The following ADGRG6 variants were observed in gnomAD, a reference collection of about 807,000 sequenced individuals.
The protein encoded by ADGRG6 is G-protein coupled receptor 126.
ADGRG6 carries 84 observed loss-of-function variants against 142.4 expected under a neutral mutation model. The observed-to-expected ratio is 0.59, with a 90% CI of 0.49 to 0.71. The LOEUF is 0.71. ADGRG6 is among the 30% of genes least tolerant of loss of function. The pLI, the probability that ADGRG6 is intolerant of heterozygous loss-of-function variation, is 0.00. For missense variants in ADGRG6, 1,367 were observed against 1,466.6 expected, an observed-to-expected ratio of 0.93 and a Z score of 1.11; for synonymous variants, 521 against 520.5, an observed-to-expected ratio of 1.00 and a Z score of -0.01.
At chr6:142,348,797 G>A (rs571576635) in intron 2 of ADGRG6, among the ~76,000 whole-genome samples, 1 of 152,270 alleles carries the variant, frequency 6.6e-6, no homozygotes, top group South Asian at 2.1e-4. Context: ...TATCTGGAAA[G>A]TTCTGCATTC....
At position 142,393,946 on chromosome 6, in the gene ADGRG6, A is replaced by C; in HGVS notation, c.1412A>C (p.Glu471Ala). Residue 471 changes from glutamate (E) to alanine (A), a missense_variant, in exon 9 of 25, where the codon GAG (glutamate) becomes GCG (alanine). By Grantham distance (107) the Glu-to-Ala change is moderately radical. Coordinates refer to ENST00000367609, the MANE Select transcript of ADGRG6 (RefSeq NM_198569.3). ...AAGATTAAAGTCAAGAGAAGCCTTG[A>C]GGATGAGCCAAGGTAACAGGACAAA... is the stretch of plus-strand genomic sequence containing the variant. ...EDKIKVKRSL[E>A]DEPRLVLWAL... 6.4e-7 allele frequency: 1 copy of C among 1,558,084 alleles called. No homozygotes were observed. The highest frequency in any genetic ancestry group is 1.2e-5 in the South Asian group (1 of 84,688).
intron 24 of ADGRG6, among the ~76,000 whole-genome samples, chr6:142,442,393 G>T (rs980667349): frequency 1.1e-4 from 16 of 152,074 alleles, no homozygotes; most frequent in Admixed American, 9.2e-4. Flanking sequence ...GATACATGAA[G>T]ACAACCATAC....
Position 142,370,618 on chromosome 6 carries a change from T to C in ADGRG6, c.894T>C (p.Asn298=), listed in dbSNP as rs1781195669. Residue 298 remains asparagine (N), a synonymous_variant, in exon 4 of 25, where the codon AAT becomes AAC. Transcript: ENST00000367609. ...NGKLLLGSNQ[N]EIVSLKGDIY... ...AATTGTTGTTGGGCTCCAATCAAAA[T>C]GAAATTGTCTCTCTAAAAGGGGACA... The C allele has an allele frequency of 6.2e-7, 1 of 1,613,442 alleles. No individual in the cohort carries two copies. The highest frequency in any genetic ancestry group is 8.5e-7 in the Non-Finnish European group (1 of 1,179,476).
intron 21 of ADGRG6, among the ~76,000 whole-genome samples, chr6:142,419,355 G>C (rs774366297): frequency 1.3e-5 from 2 of 152,136 alleles, no homozygotes; most frequent in Non-Finnish European, 2.9e-5. Context: ...TGCCAGTTGA[G>C]TCTACCACTA....
chr6:142,352,596 C>T (rs139266291), intron 2 of ADGRG6, among the ~76,000 whole-genome samples: 20 of 152,196 alleles, frequency 1.3e-4, no homozygotes, highest in Admixed American at 3.3e-4. Context: ...CACCTGTACC[C>T]TCTGAACCTA....
chr6:142,354,238 G>A (rs140354549), intron 2 of ADGRG6, among the ~76,000 whole-genome samples: 59 of 152,178 alleles, frequency 3.9e-4, no homozygotes, highest in African/African-American at 1.4e-3. Flanking sequence ...AATTAGCTGG[G>A]CGTGGTGGCA....
At position 142,409,909 on chromosome 6, in the gene ADGRG6, G is replaced by T; in HGVS notation, c.2424G>T (p.Leu808=). 1.4e-6 allele frequency: 2 copies of T among 1,462,766 alleles called. No individual in the cohort carries two copies. Among genetic ancestry groups the T allele is most frequent in the South Asian group, 1.2e-5 (1 of 81,072 alleles). The allele number at this position is 1,462,766 out of a possible 1,614,324, so 90.6% of individuals were successfully genotyped here. The change falls in exon 17 of 25, where the codon CTG becomes CTT. Residue 808 remains leucine (L), a synonymous_variant. Coordinates refer to ENST00000367609, the MANE Select transcript of ADGRG6 (RefSeq NM_198569.3). ...VHHPICAFWD[L]NKNKSFGGWN... ...ATCCCATCTGTGCCTTCTGGGATCT[G>T]AACAAAAACAGTAAGTTTTAAAATA...
In ADGRG6 at chr6:142,309,593, A is replaced by G; in HGVS notation, c.52A>G (p.Ser18Gly). 6.2e-7 allele frequency: 1 copy of G among 1,609,522 alleles called. No individual in the cohort carries two copies. Among genetic ancestry groups the G allele is most frequent in the Non-Finnish European group, 8.5e-7 (1 of 1,177,484 alleles). The change falls in exon 2 of 25, where the codon AGT becomes GGT. Residue 18 changes from serine (S) to glycine (G), a missense_variant. By Grantham distance (56) the Ser-to-Gly change is moderately conservative (BLOSUM62 0). Around this residue, in one of 3 missense-constraint regions of ADGRG6, gnomAD observed 737 missense variants for 746.5 expected, o/e 0.99. Coordinates refer to ENST00000367609, the MANE Select transcript of ADGRG6 (RefSeq NM_198569.3). ...MWSCHWKWKPSPLLFLFALYI... is the reference protein window; with the variant it reads ...MWSCHWKWKPGPLLFLFALYI... ...GAGCTGCCATTGGAAATGGAAGCCC[A>G]GTCCTCTCCTGTTCTTATTTGCTTT...
rs779402392 is a variant in ADGRG6 at position 142,392,934 on chromosome 6, A to G, written c.1309-14A>G. 6.3e-7 allele frequency: 1 copy of G among 1,581,208 alleles called. No individual in the cohort carries two copies. Among genetic ancestry groups the G allele is most frequent in the Admixed American group, 1.7e-5 (1 of 59,428 alleles). On this transcript the variant is annotated splice_polypyrimidine_tract_variant and intron_variant, in intron 7 of 24. Transcript: ENST00000367609. ...GTATTAGCAAAACTCAGCCTTTTCC[A>G]TTGTGTTTTCCAGCTCAATTCAACC...
chr6:142,367,459 G>T (rs1353877378), intron 2 of ADGRG6, 110 bp from the exon 3 acceptor site: 16 of 658,098 alleles, frequency 2.4e-5, no homozygotes, highest in Non-Finnish European at 3.1e-5. Context: ...TTGTATGTTG[G>T]TATTTTTAAA....
intron 3 of ADGRG6, 26 bp downstream of exon 3, chr6:142,367,936 C>A: frequency 7.6e-7 from 1 of 1,323,222 alleles, no homozygotes; most frequent in Non-Finnish European, 1.1e-6. Flanking sequence ...GCAACGCCAA[C>A]CTTCTGCTTT....
At chr6:142,343,343 T>C (rs1013098513) in intron 2 of ADGRG6, among the ~76,000 whole-genome samples, 3 of 151,588 alleles carry the variant, frequency 2.0e-5, no homozygotes, top group East Asian at 3.9e-4. Context: ...AGCAAATAAA[T>C]AGTAAATTCT....
intron 2 of ADGRG6, among the ~76,000 whole-genome samples, chr6:142,318,006 A>ATTATAT (rs1562306660): frequency 2.3e-5 from 1 of 43,696 alleles, no homozygotes; most frequent in Non-Finnish European, 3.7e-5. Flanking sequence ...TATTATATAT[A>ATTATAT]ATATTTATGT....
At chr6:142,389,944 T>G (rs1248685929) in intron 6 of ADGRG6, among the ~76,000 whole-genome samples, 1 of 151,852 alleles carries the variant, frequency 6.6e-6, no homozygotes, top group Non-Finnish European at 1.5e-5. Flanking sequence ...TGAAAACAGT[T>G]AACACATTAC....
chr6:142,315,860 TAAATAAATA>T (rs1406506265), intron 2 of ADGRG6, among the ~76,000 whole-genome samples: 1 of 144,078 alleles, frequency 6.9e-6, no homozygotes, highest in Non-Finnish European at 1.5e-5. Flanking sequence ...AATAAATAAA[TAAATAAATA>T]AAGCAAGGTT....
intron 4 of ADGRG6, among the ~76,000 whole-genome samples, chr6:142,380,723 T>C (rs1781733650): frequency 6.6e-6 from 1 of 152,152 alleles, no homozygotes; most frequent in Non-Finnish European, 1.5e-5. Flanking sequence ...TCTGTTCGCT[T>C]TTCTTACCAA....
intron 2 of ADGRG6, among the ~76,000 whole-genome samples, chr6:142,351,542 C>T (rs542435080): frequency 1.3e-5 from 2 of 152,238 alleles, no homozygotes; most frequent in South Asian, 4.2e-4. Flanking sequence ...ACACTACACA[C>T]AAAAATCAAT....
chr6:142,431,907 A>G (rs1488799136), intron 22 of ADGRG6, among the ~76,000 whole-genome samples: 1 of 152,182 alleles, frequency 6.6e-6, no homozygotes, highest in African/African-American at 2.4e-5. Context: ...TGGGCGACAG[A>G]GCCAGATTCC....
intron 15 of ADGRG6, among the ~76,000 whole-genome samples, chr6:142,407,881 G>A (rs991588335): frequency 6.6e-6 from 1 of 152,012 alleles, no homozygotes; most frequent in Non-Finnish European, 1.5e-5. Context: ...GTTGTTAACT[G>A]GCTGACATCA....
Sources: gnomAD v4.1 joint callset for allele counts (sites outside exome capture counted in the v4.1 genomes callset) on GRCh38, gnomAD v4.1.1 for gene constraint, gnomAD v4.1.1 regional missense constraint, MANE v1.5 for transcripts, NCBI Gene and HGNC (gene_info 2026-07-23, HGNC 2026-07-21) for gene names.